Variants in SLC24A2 observed in about 807,000 individuals in gnomAD.
SLC24A2 encodes the protein solute carrier family 24 member 2, also known as sodium/potassium/calcium exchanger 2.
A neutral mutation model predicts 62.0 loss-of-function variants in SLC24A2; 36 were observed. The observed-to-expected ratio is 0.58, with a 90% CI of 0.44 to 0.77. The LOEUF (loss-of-function observed/expected upper bound fraction) is 0.77. SLC24A2 is among the 30% of genes least tolerant of loss of function. The pLI, the probability that SLC24A2 is intolerant of heterozygous loss-of-function variation, is 0.00. For synonymous variants in SLC24A2, 358 were observed against 294.0 expected (o/e 1.22, Z -2.23); for missense variants, 846 against 817.9 (o/e 1.03, Z -0.42).
chr9:20,178,066 G>C, the SLC24A2 span, among the ~76,000 whole-genome samples: 3 of 152,176 alleles, frequency 2.0e-5, no homozygotes, highest in African/African-American at 7.2e-5. Flanking sequence ...ATTAACTATA[G>C]AGTCTGGATT....
chr9:20,033,621 T>C, the SLC24A2 span, among the ~76,000 whole-genome samples: 1 of 152,218 alleles, frequency 6.6e-6, no homozygotes. Flanking sequence ...TACGATGATA[T>C]GCCCAGACAG....
At chr9:20,267,831 G>C in the SLC24A2 span, among the ~76,000 whole-genome samples, 2 of 152,148 alleles carry the variant, frequency 1.3e-5, no homozygotes, top group African/African-American at 4.8e-5. Context: ...GACCTAAGAA[G>C]AGTGGGTGAA....
the SLC24A2 span, among the ~76,000 whole-genome samples, chr9:19,964,621 G>A: frequency 1.3e-5 from 2 of 152,160 alleles, no homozygotes; most frequent in Admixed American, 6.5e-5. Context: ...TGGTTGGACT[G>A]AACTGCCTTC....
At chr9:19,883,052 T>C in the SLC24A2 span, among the ~76,000 whole-genome samples, 3 of 152,348 alleles carry the variant, frequency 2.0e-5, no homozygotes, top group Admixed American at 1.3e-4. Flanking sequence ...TCTCTATTTA[T>C]TACAAATATT....
chr9:20,060,174 A>G, the SLC24A2 span, among the ~76,000 whole-genome samples: 1 of 152,150 alleles, frequency 6.6e-6, no homozygotes, highest in African/African-American at 2.4e-5. Flanking sequence ...AAATCCACTT[A>G]ACAAAAAAGA....
the SLC24A2 span, among the ~76,000 whole-genome samples, chr9:19,913,264 C>A: frequency 6.6e-6 from 1 of 152,080 alleles, no homozygotes; most frequent in Non-Finnish European, 1.5e-5. Context: ...CAGGCTTATA[C>A]CAGAGATACC....
Position 19,758,020 on chromosome 9 carries a change from C to T in SLC24A2, c.930+27917G>A, listed in dbSNP as rs73432056. On this transcript the variant is annotated intron_variant, in intron 2 of 10. Coordinates refer to ENST00000341998, the MANE Select transcript of SLC24A2 (RefSeq NM_020344.4). ...CCTCCCCAGAAGCCAGGGCCATGAC[C>T]TTGAAATTCCCAGCCTGTAGAACCA... 9.7e-3 allele frequency among the ~76,000 whole-genome samples: 1,483 copies of T among 152,156 alleles called. 31 individuals are homozygous for T. The highest frequency in any genetic ancestry group is 0.033 in the African/African-American group (1,388 of 41,502).
intron 8 of SLC24A2, among the ~76,000 whole-genome samples, chr9:19,530,479 A>G (rs539275818): frequency 7.9e-5 from 12 of 152,204 alleles, no homozygotes; most frequent in South Asian, 2.1e-4. Flanking sequence ...ATGTATAATT[A>G]TTATTTTAAC....
At chr9:20,009,311 G>A in the SLC24A2 span, among the ~76,000 whole-genome samples, 2 of 149,024 alleles carry the variant, frequency 1.3e-5, no homozygotes, top group East Asian at 4.2e-4. Flanking sequence ...CTTGAACCCA[G>A]AAGGCAGAGG....
At chr9:19,929,799 G>A in the SLC24A2 span, 1 of 152,282 alleles carries the variant, frequency 6.6e-6, no homozygotes, top group Non-Finnish European at 1.5e-5. Flanking sequence ...AGAACTTCCA[G>A]TGGGACAGAT....
At chr9:20,273,791 C>G in the SLC24A2 span, among the ~76,000 whole-genome samples, 3 of 152,238 alleles carry the variant, frequency 2.0e-5, no homozygotes, top group East Asian at 5.8e-4. Flanking sequence ...AAACCTTACC[C>G]CCATCTGTTC....
chr9:19,528,055 C>A lies in SLC24A2; in HGVS notation c.1563G>T (p.Ala521=), dbSNP rs201117303. 13 of 1,576,028 alleles carry A rather than the reference C, an allele frequency of 8.2e-6. No individual in the cohort carries two copies. The African/African-American group carries it at 1.7e-4, about 21-fold the overall frequency. The change falls in exon 9 of 11, where the codon GCG becomes GCT. Residue 521 remains alanine (A), a synonymous_variant. Coordinates refer to ENST00000341998, the MANE Select transcript of SLC24A2 (RefSeq NM_020344.4). ...AVFSYLMVWW[A]HQVGETIGIS... ...GTCACTATCAAAATCTTACCTGGTGCGCCCACCAGACCATCAAGTAAGAGA... is the reference window on the plus strand; with the variant it reads ...GTCACTATCAAAATCTTACCTGGTGAGCCCACCAGACCATCAAGTAAGAGA...
intron 7 of SLC24A2, among the ~76,000 whole-genome samples, chr9:19,567,760 T>C (rs1835716519): frequency 1.3e-5 from 2 of 151,892 alleles, no homozygotes; most frequent in Admixed American, 6.6e-5. Flanking sequence ...TTCTCAGTGT[T>C]GGAATCAACA....
At chr9:19,950,131 TTG>T in the SLC24A2 span, among the ~76,000 whole-genome samples, 1 of 152,318 alleles carries the variant, frequency 6.6e-6, no homozygotes, top group East Asian at 1.9e-4. Flanking sequence ...ACTTAATTAG[TTG>T]TGTCTCTTTG....
chr9:20,180,667 C>T, the SLC24A2 span, among the ~76,000 whole-genome samples: 2 of 152,078 alleles, frequency 1.3e-5, no homozygotes, highest in African/African-American at 4.8e-5. Flanking sequence ...AGCCTAAAGA[C>T]TTGGGCATAA....
chr9:19,775,921 C>G (rs187080717), intron 2 of SLC24A2, among the ~76,000 whole-genome samples: 1 of 152,160 alleles, frequency 6.6e-6, no homozygotes, highest in African/African-American at 2.4e-5. Context: ...GAGAAAAAAA[C>G]GTTCTTAACA....
chr9:19,740,823 A>G (rs1484973014), intron 2 of SLC24A2, among the ~76,000 whole-genome samples: 1 of 151,428 alleles, frequency 6.6e-6, no homozygotes, highest in Non-Finnish European at 1.5e-5. Flanking sequence ...TTGTTTCACT[A>G]TTCTTTCCAT....
At chr9:20,156,336 C>A in the SLC24A2 span, among the ~76,000 whole-genome samples, 3 of 151,626 alleles carry the variant, frequency 2.0e-5, no homozygotes, top group African/African-American at 7.3e-5. Context: ...ATATTCAAGG[C>A]CTTGGGAAGC....
Position 19,768,940 on chromosome 9 carries a change from G to T in SLC24A2, c.930+16997C>A, listed in dbSNP as rs148632817. Reference sequence around the variant, plus strand: ...GACTTAGGCCTTTGAGTTCTTCCCTGCTACATTCATTCCTGGGTGATTTTA... The same window carrying T: ...GACTTAGGCCTTTGAGTTCTTCCCTTCTACATTCATTCCTGGGTGATTTTA... On this transcript the variant is annotated intron_variant, in intron 2 of 10. Transcript: ENST00000341998. 3.9e-5 allele frequency among the ~76,000 whole-genome samples: 6 copies of T among 152,190 alleles called. No homozygotes were observed. In the East Asian group the frequency reaches 1.2e-3, roughly 29 times the overall value.
Sources: allele counts gnomAD v4.1 joint callset (sites outside exome capture counted in the v4.1 genomes callset), GRCh38; gene constraint gnomAD v4.1.1; transcripts MANE v1.5; gene names NCBI Gene and HGNC (gene_info 2026-07-23, HGNC 2026-07-21).